The following ADIPOR2 variants were observed in gnomAD, a reference collection of about 807,000 sequenced individuals.
ADIPOR2 encodes adiponectin receptor protein 2.
Under a neutral mutation model 40.9 loss-of-function variants are expected in ADIPOR2, and 18 were observed. That is an observed-to-expected ratio of 0.44 (90% CI 0.30 to 0.65). The LOEUF is 0.65. Ranked by LOEUF, ADIPOR2 falls within the 30% of genes least tolerant of loss-of-function variation. The pLI is 0.09. For missense variants in ADIPOR2, 283 were observed against 479.2 expected, an observed-to-expected ratio of 0.59 and a Z score of 3.82; for synonymous variants, 165 against 166.4, an observed-to-expected ratio of 0.99 and a Z score of 0.06.
chr12:1,765,357 G>A (rs1488103973), intron 2 of ADIPOR2, among the ~76,000 whole-genome samples: 4 of 152,124 alleles, frequency 2.6e-5, no homozygotes, highest in African/African-American at 9.7e-5. Context: ...CAAGATAGTG[G>A]TGTTAGGTTG....
At chr12:1,745,820 C>G (rs1301974059) in intron 1 of ADIPOR2, among the ~76,000 whole-genome samples, 1 of 152,178 alleles carries the variant, frequency 6.6e-6, no homozygotes, top group African/African-American at 2.4e-5. Flanking sequence ...GTGCCTCAAA[C>G]TACATCTTGT....
chr12:1,710,593 GCTCT>G (rs2094674528), intron 1 of ADIPOR2, among the ~76,000 whole-genome samples: 1 of 151,990 alleles, frequency 6.6e-6, no homozygotes, highest in Admixed American at 6.6e-5. Flanking sequence ...CTGGGAAAGG[GCTCT>G]CTAACAACCC....
At chr12:1,726,084 C>T (rs980892998) in intron 1 of ADIPOR2, among the ~76,000 whole-genome samples, 1 of 152,172 alleles carries the variant, frequency 6.6e-6, no homozygotes, top group Non-Finnish European at 1.5e-5. Flanking sequence ...ACAATTTCTT[C>T]AGGCAGAGAA....
chr12:1,752,230 C>CTTTTTTTTTTTTTTTTTTTT (rs67598229), intron 1 of ADIPOR2, among the ~76,000 whole-genome samples: 1 of 74,864 alleles, frequency 1.3e-5, no homozygotes, highest in Non-Finnish European at 2.3e-5. Flanking sequence ...CTCCTGGCCT[C>CTTTTTTTTTTTTTTTTTTTT]TTTTTTTTTT....
intron 6 of ADIPOR2, among the ~76,000 whole-genome samples, chr12:1,781,357 A>G (rs1862716005): frequency 6.6e-6 from 1 of 152,200 alleles, no homozygotes; most frequent in Non-Finnish European, 1.5e-5. Context: ...ATTTATGGCT[A>G]AACACCATCC....
rs566474043 is a variant in ADIPOR2 at position 1,780,249 on chromosome 12, T to C, written c.464-202T>C. 194 of 486,222 alleles carry C rather than the reference T, an allele frequency of 4.0e-4. 1 individual carries two copies. Among genetic ancestry groups the C allele is most frequent in the African/African-American group, 3.5e-3 (175 of 49,668 alleles). 30.1% of individuals were successfully genotyped at this position (486,222 alleles called of 1,614,324 possible). On this transcript the variant is annotated intron_variant, in intron 4 of 7. Transcript: ENST00000357103. ...TTTTATATTCTGTATATTCAGTTTA[T>C]GAAGCTGAAGTATTTCTGATACCAA...
chr12:1,785,925 C>T lies in ADIPOR2; in HGVS notation c.1033-19C>T, dbSNP rs377162169. ...TGTATGGGTTTCTCTACCCCCTTCT[C>T]TTCTTTTTTCCCCTCCAGTTTCACT... On this transcript the variant is annotated intron_variant, in intron 7 of 7. Coordinates refer to ENST00000357103, the MANE Select transcript of ADIPOR2 (RefSeq NM_024551.3). 2 of 1,613,376 alleles carry T rather than the reference C, an allele frequency of 1.2e-6. No homozygotes were observed. The highest frequency in any genetic ancestry group is 1.1e-5 in the South Asian group (1 of 90,998).
intron 1 of ADIPOR2, among the ~76,000 whole-genome samples, chr12:1,732,167 A>G (rs2094721853): frequency 6.6e-6 from 1 of 152,208 alleles, no homozygotes; most frequent in Admixed American, 6.5e-5. Context: ...AACTGATGTT[A>G]ATACATTTTT....
intron 4 of ADIPOR2, chr12:1,780,184 C>A: frequency 3.2e-6 from 1 of 308,134 alleles, no homozygotes; most frequent in Non-Finnish European, 5.9e-6. Context: ...GAAGTAGCAG[C>A]AGTGTCTGAT....
chr12:1,727,963 A>G (rs1485174788), intron 1 of ADIPOR2, among the ~76,000 whole-genome samples: 2 of 152,022 alleles, frequency 1.3e-5, no homozygotes, highest in Non-Finnish European at 2.9e-5. Context: ...GTCACTTCCC[A>G]GCTACCCAGA....
chr12:1,778,271 A>G (rs777239142), intron 4 of ADIPOR2: 1 of 365,596 alleles, frequency 2.7e-6, no homozygotes, highest in Non-Finnish European at 4.9e-6. Flanking sequence ...AAACCAGGCC[A>G]AGTAAAAGTT....
At chr12:1,756,236 C>T (rs1862126511) in intron 2 of ADIPOR2, among the ~76,000 whole-genome samples, 3 of 152,038 alleles carry the variant, frequency 2.0e-5, no homozygotes, top group South Asian at 4.2e-4. Flanking sequence ...CTGCAACCTC[C>T]GCCTCCCAGG....
chr12:1,746,789 C>T (rs1012570461), intron 1 of ADIPOR2, among the ~76,000 whole-genome samples: 4 of 152,128 alleles, frequency 2.6e-5, no homozygotes, highest in African/African-American at 4.8e-5. Flanking sequence ...TAACATTTTA[C>T]GAGACTGAAG....
chr12:1,753,758 T>C (rs1015367553), intron 1 of ADIPOR2, among the ~76,000 whole-genome samples: 1 of 152,200 alleles, frequency 6.6e-6, no homozygotes, highest in African/African-American at 2.4e-5. Context: ...AGATTGGATA[T>C]GTAAAGCCCA....
At chr12:1,711,285 G>A (rs2094676287) in intron 1 of ADIPOR2, among the ~76,000 whole-genome samples, 1 of 152,130 alleles carries the variant, frequency 6.6e-6, no homozygotes, top group Non-Finnish European at 1.5e-5. Flanking sequence ...TAATGAAGTA[G>A]ATAAATCTGC....
At chr12:1,772,201 G>T (rs1424428346) in intron 2 of ADIPOR2, among the ~76,000 whole-genome samples, 15 of 152,118 alleles carry the variant, frequency 9.9e-5, no homozygotes, top group African/African-American at 3.6e-4. Flanking sequence ...ATTTTCTCCA[G>T]AATGTGGAAA....
chr12:1,753,045 G>C (rs1862036282), intron 1 of ADIPOR2, among the ~76,000 whole-genome samples: 1 of 152,150 alleles, frequency 6.6e-6, no homozygotes, highest in South Asian at 2.1e-4. Context: ...GAAACCAACA[G>C]TTGACTAATT....
chr12:1,786,099 C>A lies in ADIPOR2; in HGVS notation c.*27C>A, dbSNP rs1477990688. The A allele has an allele frequency of 2.5e-6, 4 of 1,606,018 alleles. No individual in the cohort carries two copies. The highest frequency in any genetic ancestry group is 1.7e-6 in the Non-Finnish European group (2 of 1,176,718). Reference sequence around the variant, plus strand: ...ACCTACCAGTCTCCAGGGACTATGACCCTAAACCAGGGCCTGCGGCACTTG... The same window carrying A: ...ACCTACCAGTCTCCAGGGACTATGAACCTAAACCAGGGCCTGCGGCACTTG... On this transcript the variant is annotated 3_prime_UTR_variant, in exon 8 of 8. Transcript: ENST00000357103.
intron 1 of ADIPOR2, among the ~76,000 whole-genome samples, chr12:1,741,459 C>T (rs558485058): frequency 6.6e-6 from 1 of 152,224 alleles, no homozygotes; most frequent in East Asian, 1.9e-4. Flanking sequence ...GGAGGAATAT[C>T]TTTGGCAATA....
Sources: gnomAD v4.1 joint callset for allele counts (sites outside exome capture counted in the v4.1 genomes callset) on GRCh38, gnomAD v4.1.1 for gene constraint, MANE v1.5 for transcripts, NCBI Gene and HGNC (gene_info 2026-07-23, HGNC 2026-07-21) for gene names.